RPA1: variants seen among roughly 807,000 people sequenced by gnomAD.
RPA1 encodes replication protein A 70 kDa DNA-binding subunit.
A neutral mutation model predicts 83.0 loss-of-function variants in RPA1; 49 were observed. The observed-to-expected ratio is 0.59, with a 90% CI of 0.47 to 0.75. The LOEUF (loss-of-function observed/expected upper bound fraction) is 0.75. Ranked by LOEUF, RPA1 falls within the 30% of genes least tolerant of loss-of-function variation. The pLI is 0.00. For missense variants in RPA1, 693 were observed against 776.1 expected (o/e 0.89, Z 1.27); for synonymous variants, 279 against 281.8 (o/e 0.99, Z 0.10).
intron 8 of RPA1, among the ~76,000 whole-genome samples, chr17:1,878,019 T>C (rs1913633875): frequency 1.3e-5 from 2 of 152,238 alleles, no homozygotes; most frequent in South Asian, 4.1e-4. Context: ...TCACTTGAGG[T>C]CAGGAGTTCG....
chr17:1,854,117 T>C (rs1305724434), intron 5 of RPA1: 1 of 152,142 alleles, frequency 6.6e-6, no homozygotes, highest in Non-Finnish European at 1.5e-5. Context: ...AAAAAGTCCA[T>C]TTTTTCTTTG....
chr17:1,881,888 C>CTCTCTCTTTGCTCTG (rs11276126), intron 12 of RPA1, among the ~76,000 whole-genome samples: 1 of 152,046 alleles, frequency 6.6e-6, no homozygotes, highest in Non-Finnish European at 1.5e-5. Flanking sequence ...GAAGGGCCGC[C>CTCTCTCTTTGCTCTG]TTGACTCCTG....
intron 4 of RPA1, among the ~76,000 whole-genome samples, chr17:1,845,566 T>G (rs1912224636): frequency 1.3e-5 from 2 of 152,060 alleles, no homozygotes; most frequent in Non-Finnish European, 2.9e-5. Context: ...AAGAATGTGT[T>G]GTACACGGAC....
chr17:1,862,830 G>A (rs1913033813), intron 5 of RPA1, among the ~76,000 whole-genome samples: 1 of 139,132 alleles, frequency 7.2e-6, no homozygotes, highest in Non-Finnish European at 1.5e-5. Flanking sequence ...TGATTCTCCT[G>A]CCTCAGGCTC....
At chr17:1,848,010 C>CAA (rs34885352) in intron 4 of RPA1, among the ~76,000 whole-genome samples, 1 of 58,444 alleles carries the variant, frequency 1.7e-5, no homozygotes, top group Non-Finnish European at 7.2e-5. Flanking sequence ...ACCCCATCTC[C>CAA]AAAAAAAAAA....
intron 1 of RPA1, 90 bp downstream of exon 1, chr17:1,830,216 GAC>G: frequency 9.8e-7 from 1 of 1,016,204 alleles, no homozygotes; most frequent in Non-Finnish European, 1.3e-6. Flanking sequence ...AGCCCGGGGC[GAC>G]GGGGGATGAA....
At position 1,894,236 on chromosome 17, in the gene RPA1, A is replaced by G. The variant is rs564501928; in HGVS notation, c.1660-773A>G. The stretch of plus-strand genomic sequence containing the variant: ...TGCTGGAGTGCAGTAGTGCAGTCTC[A>G]GCTCACTGTAGCCTCCGCCTCTCAG... On this transcript the variant is annotated intron_variant, in intron 15 of 16. Transcript: ENST00000254719. Among the ~76,000 whole-genome samples, 13 of 150,944 alleles carry G rather than the reference A, an allele frequency of 8.6e-5. No individual in the cohort carries two copies. In the South Asian group the frequency reaches 2.5e-3, roughly 29 times the overall value.
At chr17:1,871,808 G>A (rs1002694858) in intron 5 of RPA1, among the ~76,000 whole-genome samples, 1 of 151,666 alleles carries the variant, frequency 6.6e-6, no homozygotes, top group Non-Finnish European at 1.5e-5. Context: ...ACCTGCTTCC[G>A]AACCCCATTG....
At chr17:1,834,138 C>T (rs1173003432) in intron 1 of RPA1, among the ~76,000 whole-genome samples, 2 of 152,112 alleles carry the variant, frequency 1.3e-5, no homozygotes, top group Non-Finnish European at 2.9e-5. Flanking sequence ...CGAGATTGCA[C>T]CAGTGCATTC....
Position 1,831,673 on chromosome 17 carries a change from A to G in RPA1, c.33+1547A>G, listed in dbSNP as rs1182282088. On this transcript the variant is annotated intron_variant, in intron 1 of 16. Transcript: ENST00000254719. ...GAGGGCAGTGGCGCGATCTCGGCTC[A>G]CTGCAAGCTCTGCCTCCTGGGTTCA... is the stretch of plus-strand genomic sequence containing the variant. 3.5e-4 allele frequency among the ~76,000 whole-genome samples: 51 copies of G among 144,628 alleles called. No individual in the cohort carries two copies. In the Admixed American group the frequency reaches 3.7e-3, roughly 10 times the overall value. The allele number at this position is 144,628 out of a possible 152,430, so 94.9% of individuals were successfully genotyped here.
At chr17:1,891,023 C>G (rs1367817854) in intron 14 of RPA1, among the ~76,000 whole-genome samples, 2 of 152,142 alleles carry the variant, frequency 1.3e-5, no homozygotes, top group East Asian at 3.8e-4. Context: ...GGTTTCGTCA[C>G]CTTATTTTTC....
chr17:1,846,006 G>GT (rs1470032703), intron 4 of RPA1, among the ~76,000 whole-genome samples: 1 of 152,106 alleles, frequency 6.6e-6, no homozygotes, highest in African/African-American at 2.4e-5. Flanking sequence ...TAAGTAATTA[G>GT]TTTTTTAAAT....
intron 16 of RPA1, among the ~76,000 whole-genome samples, chr17:1,895,373 C>G (rs944269707): frequency 1.3e-5 from 2 of 149,546 alleles, no homozygotes; most frequent in Non-Finnish European, 3.0e-5. Flanking sequence ...CAGTTAAATC[C>G]TAGGATTTTT....
intron 4 of RPA1, among the ~76,000 whole-genome samples, chr17:1,850,886 T>A (rs533478705): frequency 6.6e-6 from 1 of 151,864 alleles, no homozygotes; most frequent in East Asian, 1.9e-4. Context: ...AGTGAGACTC[T>A]CTCTCTCAAA....
intron 12 of RPA1, among the ~76,000 whole-genome samples, chr17:1,883,094 G>A (rs1206049750): frequency 6.6e-6 from 1 of 152,176 alleles, no homozygotes; most frequent in Non-Finnish European, 1.5e-5. Flanking sequence ...GCCGAGGGAG[G>A]AGGATTGTCT....
chr17:1,839,635 ATT>A (rs144744428), intron 1 of RPA1, among the ~76,000 whole-genome samples: 20 of 131,176 alleles, frequency 1.5e-4, no homozygotes, highest in Non-Finnish European at 1.3e-4. Context: ...CTCTAGCTTC[ATT>A]TTTTTTTTTT....
chr17:1,836,185 C>T (rs576907135), intron 1 of RPA1, among the ~76,000 whole-genome samples: 1 of 152,114 alleles, frequency 6.6e-6, no homozygotes, highest in East Asian at 1.9e-4. Flanking sequence ...GATCTCAGCT[C>T]ACTGCAACCT....
At chr17:1,892,070 G>C (rs749085654) in intron 15 of RPA1, 130 bp downstream of exon 15, 40 of 496,874 alleles carry the variant, frequency 8.1e-5, no homozygotes, top group Non-Finnish European at 1.3e-4. Context: ...GCAGTGGCGC[G>C]ATCTCAGCTC....
rs8081691 is a variant in RPA1, at chr17:1,874,811, G to C, written c.455-850G>C. 6.0e-3 allele frequency among the ~76,000 whole-genome samples: 917 copies of C among 152,322 alleles called. 11 individuals are homozygous for C. The highest frequency in any genetic ancestry group is 0.021 in the African/African-American group (870 of 41,550). On this transcript the variant is annotated intron_variant, in intron 6 of 16. Coordinates refer to ENST00000254719, the MANE Select transcript of RPA1 (RefSeq NM_002945.5). ...TTTTACTAATTACTACGAATGCCTA[G>C]AAGGGTGTGGCACATGCCGTGGAAA...
Sources: gnomAD v4.1 joint callset for allele counts (sites outside exome capture counted in the v4.1 genomes callset) on GRCh38, gnomAD v4.1.1 for gene constraint, MANE v1.5 for transcripts, NCBI Gene and HGNC (gene_info 2026-07-23, HGNC 2026-07-21) for gene names.